Variants in ZFHX3 observed in about 807,000 individuals in gnomAD.
ZFHX3 encodes the protein zinc finger homeobox 3.
A neutral mutation model predicts 279.1 loss-of-function variants in ZFHX3; 42 were observed. The ratio of observed to expected loss-of-function variants is 0.15; its 90% CI spans 0.12 to 0.19. The LOEUF (loss-of-function observed/expected upper bound fraction) is 0.19, where lower values mean the gene tolerates loss of function less well. ZFHX3 is among the 10% of genes least tolerant of loss of function. ZFHX3 has a pLI of 1.00. For missense variants in ZFHX3, 4,981 were observed against 4,754.0 expected, an observed-to-expected ratio of 1.05 and a Z score of -1.40; for synonymous variants, 2,293 against 1,957.8, an observed-to-expected ratio of 1.17 and a Z score of -4.52.
intron 3 of ZFHX3, among the ~76,000 whole-genome samples, chr16:73,328,957 C>A (rs532897122): frequency 6.6e-6 from 1 of 152,324 alleles, no homozygotes; most frequent in East Asian, 1.9e-4. Flanking sequence ...ATCGAAGGAC[C>A]TCTCTGTCCT....
At chr16:73,853,808 C>T (rs1349488877) in intron 1 of ZFHX3, among the ~76,000 whole-genome samples, 1 of 152,114 alleles carries the variant, frequency 6.6e-6, no homozygotes, top group African/African-American at 2.4e-5. Context: ...CAAACAAGCA[C>T]ACATACCCCC....
At chr16:73,491,120 G>A (rs1219236814) in intron 2 of ZFHX3, among the ~76,000 whole-genome samples, 1 of 152,216 alleles carries the variant, frequency 6.6e-6, no homozygotes, top group Non-Finnish European at 1.5e-5. Flanking sequence ...AAGCTCTGCT[G>A]TGGTAACAAA....
At chr16:73,130,842 A>T in intron 7 of ZFHX3, 1 of 701,644 alleles carries the variant, frequency 1.4e-6, no homozygotes, top group East Asian at 8.7e-5. Flanking sequence ...TCCTGACCTC[A>T]GGTGATCCAC....
At chr16:73,303,971 A>G (rs2015119806) in intron 4 of ZFHX3, among the ~76,000 whole-genome samples, 2 of 123,276 alleles carry the variant, frequency 1.6e-5, no homozygotes, top group Admixed American at 1.6e-4. Context: ...TGGAAAAAAA[A>G]AAAAAAAAAA....
intron 1 of ZFHX3, among the ~76,000 whole-genome samples, chr16:72,995,671 C>T (rs940564130): frequency 2.0e-5 from 3 of 152,244 alleles, no homozygotes; most frequent in Non-Finnish European, 2.9e-5. Context: ...AGCAAGAACA[C>T]GGGAATCCGC....
chr16:73,000,694 C>T (rs528408621), intron 1 of ZFHX3, among the ~76,000 whole-genome samples: 1 of 152,186 alleles, frequency 6.6e-6, no homozygotes, highest in Admixed American at 6.5e-5. Flanking sequence ...CCATTTCCCT[C>T]TCAAATTACG....
At chr16:73,559,799 C>G (rs181521457) in intron 2 of ZFHX3, among the ~76,000 whole-genome samples, 1 of 152,228 alleles carries the variant, frequency 6.6e-6, no homozygotes, top group Admixed American at 6.5e-5. Flanking sequence ...GAGGTAGGGA[C>G]AGTGGGAAAA....
intron 2 of ZFHX3, among the ~76,000 whole-genome samples, chr16:73,644,412 C>T (rs974876389): frequency 1.3e-5 from 2 of 152,096 alleles, no homozygotes; most frequent in East Asian, 1.9e-4. Flanking sequence ...GTAATCCCAG[C>T]ACTTTGGGAG....
At chr16:73,718,836 A>C (rs1320406551) in intron 1 of ZFHX3, among the ~76,000 whole-genome samples, 1 of 151,952 alleles carries the variant, frequency 6.6e-6, no homozygotes, top group African/African-American at 2.4e-5. Flanking sequence ...GGCTGGTCTC[A>C]AACTCCTGAC....
chr16:73,279,012 C>T (rs2014388651), intron 4 of ZFHX3, among the ~76,000 whole-genome samples: 1 of 152,178 alleles, frequency 6.6e-6, no homozygotes, highest in Non-Finnish European at 1.5e-5. Context: ...GGGGGGCATC[C>T]CCATACTTCT....
intron 3 of ZFHX3, among the ~76,000 whole-genome samples, chr16:73,419,856 C>T (rs1310667689): frequency 3.8e-4 from 58 of 151,888 alleles, no homozygotes; most frequent in Admixed American, 6.6e-5. Context: ...TTAATACCTG[C>T]TTCTTGCTGA....
At chr16:73,629,376 GA>G (rs1004625143) in intron 2 of ZFHX3, among the ~76,000 whole-genome samples, 15 of 148,342 alleles carry the variant, frequency 1.0e-4, no homozygotes, top group African/African-American at 2.2e-4. Flanking sequence ...CCTTCTTAGG[GA>G]AAAAAAAAAG....
At chr16:73,576,879 C>A (rs2051805550) in intron 2 of ZFHX3, among the ~76,000 whole-genome samples, 1 of 152,154 alleles carries the variant, frequency 6.6e-6, no homozygotes, top group Non-Finnish European at 1.5e-5. Flanking sequence ...TCTCCTCCCA[C>A]CCTCCACGCT....
chr16:72,898,472 C>T (rs1011929601), intron 3 of ZFHX3, among the ~76,000 whole-genome samples: 4 of 152,138 alleles, frequency 2.6e-5, no homozygotes, highest in Non-Finnish European at 5.9e-5. Flanking sequence ...AAATTCTCAA[C>T]ATTAGTGGCC....
intron 4 of ZFHX3, among the ~76,000 whole-genome samples, chr16:72,836,532 G>A (rs951793602): frequency 6.6e-6 from 1 of 152,126 alleles, no homozygotes; most frequent in East Asian, 1.9e-4. Flanking sequence ...AATACAAATT[G>A]TTCTCATCAC....
chr16:72,921,096 G>T (rs74335837), intron 3 of ZFHX3, among the ~76,000 whole-genome samples: 1 of 95,304 alleles, frequency 1.0e-5, no homozygotes, highest in East Asian at 3.5e-4. Flanking sequence ...AAAAAAAAAA[G>T]CTAATCCAAC....
chr16:73,604,933 A>G (rs1316441479), intron 2 of ZFHX3, among the ~76,000 whole-genome samples: 3 of 151,694 alleles, frequency 2.0e-5, no homozygotes, highest in African/African-American at 7.3e-5. Context: ...TTTTTCACCT[A>G]TGTGTTTTCT....
At chr16:73,506,724 G>A (rs995574664) in intron 2 of ZFHX3, among the ~76,000 whole-genome samples, 5 of 152,082 alleles carry the variant, frequency 3.3e-5, no homozygotes, top group Admixed American at 6.5e-5. Context: ...ACATTAACTC[G>A]GTAGCTGAGT....
chr16:72,804,361 A>C (rs2036200641), intron 7 of ZFHX3, among the ~76,000 whole-genome samples: 1 of 152,246 alleles, frequency 6.6e-6, no homozygotes, highest in Admixed American at 6.5e-5. Context: ...ATGATGCAGA[A>C]TAAATAACCC....
Sources: gnomAD v4.1 joint callset for allele counts (sites outside exome capture counted in the v4.1 genomes callset) on GRCh38, gnomAD v4.1.1 for gene constraint, MANE v1.5 for transcripts, NCBI Gene and HGNC (gene_info 2026-07-23, HGNC 2026-07-21) for gene names.